Variants in USP50 observed in about 807,000 individuals in gnomAD.
The protein encoded by USP50 is ubiquitin carboxyl-terminal hydrolase 50.
Under a neutral mutation model 39.2 loss-of-function variants are expected in USP50, and 37 were observed. The ratio of observed to expected loss-of-function variants is 0.94; its 90% CI spans 0.73 to 1.24. USP50 has a LOEUF of 1.24. Among genes scored for constraint, USP50 ranks in the 50% most tolerant of loss-of-function variants. USP50 has a pLI of 0.00. For missense variants in USP50, 374 were observed against 398.2 expected, an observed-to-expected ratio of 0.94 and a Z score of 0.52; for synonymous variants, 139 against 144.5, an observed-to-expected ratio of 0.96 and a Z score of 0.27.
intron 6 of USP50, among the ~76,000 whole-genome samples, chr15:50,520,222 T>C (rs973180672): frequency 2.6e-5 from 4 of 151,778 alleles, no homozygotes; most frequent in African/African-American, 9.7e-5. Context: ...GGTGGGAGGA[T>C]CTCTTAAGCC....
chr15:50,497,893 A>G (rs2052478341), downstream of USP50, among the ~76,000 whole-genome samples: 1 of 152,200 alleles, frequency 6.6e-6, no homozygotes, highest in Non-Finnish European at 1.5e-5. Context: ...TCTGTTAAAA[A>G]TGTTTTATCT....
rs760203071 is a variant in USP50 at position 50,543,737 on chromosome 15, C to T, written c.305G>A (p.Gly102Glu). 1 of 1,610,768 alleles carries T rather than the reference C, an allele frequency of 6.2e-7. No individual in the cohort carries two copies. Among genetic ancestry groups the T allele is most frequent in the East Asian group, 2.2e-5 (1 of 44,842 alleles). The change falls in exon 3 of 7, where the codon GGA becomes GAA. Residue 102 changes from glycine to glutamate, a missense_variant. Transcript: ENST00000532404. ...TTCTGGTGAGACACAGTCTGAGTCT[C>T]CCAGCCACATGTCTGTCATCAGATA... ...FAYLMTDMWLGDSDCVSPEIF... is the reference protein window; with the variant it reads ...FAYLMTDMWLEDSDCVSPEIF...
chr15:50,516,168 C>G (rs1005104240), intron 6 of USP50, among the ~76,000 whole-genome samples: 1 of 152,054 alleles, frequency 6.6e-6, no homozygotes, highest in African/African-American at 2.4e-5. Flanking sequence ...TCAAATCATA[C>G]CACCACAGAA....
At chr15:50,500,293 AATT>A (rs1242254571), downstream of USP50, 2 of 153,664 alleles carry the variant, frequency 1.3e-5, no homozygotes, top group African/African-American at 2.4e-5. Flanking sequence ...TTTGAACAAA[AATT>A]ATTTTTGTTT....
chr15:50,516,473 C>T (rs954271458), intron 6 of USP50, among the ~76,000 whole-genome samples: 2 of 151,984 alleles, frequency 1.3e-5, no homozygotes, highest in East Asian at 1.9e-4. Context: ...AAAAAGTAGC[C>T]GGGCGTGGTG....
At chr15:50,531,123 C>T (rs1015606014) in intron 5 of USP50, among the ~76,000 whole-genome samples, 4 of 151,928 alleles carry the variant, frequency 2.6e-5, no homozygotes, top group African/African-American at 4.8e-5. Context: ...GGGAAATTAC[C>T]GCGACTGAGA....
chr15:50,499,267 T>C (rs2052528334), downstream of USP50: 4 of 479,924 alleles, frequency 8.3e-6, no homozygotes, highest in Non-Finnish European at 1.0e-5. Flanking sequence ...TTAACAAGTA[T>C]TGCAGTAATC....
intron 6 of USP50, chr15:50,512,393 T>TG (rs1274096917): frequency 6.6e-6 from 1 of 151,728 alleles, no homozygotes; most frequent in Non-Finnish European, 1.5e-5. Flanking sequence ...TGCTATGGAC[T>TG]GGGGGAGAAG....
intron 5 of USP50, among the ~76,000 whole-genome samples, chr15:50,536,241 CA>C (rs552548044): frequency 6.6e-6 from 1 of 151,846 alleles, no homozygotes; most frequent in Non-Finnish European, 1.5e-5. Flanking sequence ...AAGGAATCAA[CA>C]AAAAAACCTC....
intron 6 of USP50, among the ~76,000 whole-genome samples, chr15:50,522,550 T>C (rs2052858451): frequency 6.6e-6 from 1 of 152,098 alleles, no homozygotes; most frequent in South Asian, 2.1e-4. Flanking sequence ...ACCCTGATAC[T>C]AAAGCCAGAC....
chr15:50,535,641 C>T (rs12440876), intron 5 of USP50, among the ~76,000 whole-genome samples: 22,219 of 152,262 alleles, frequency 0.15, 2,223 homozygotes, highest in Admixed American at 0.28. Flanking sequence ...GGGCTGGGCA[C>T]AGTGGCTCAC....
intron 1 of USP50, among the ~76,000 whole-genome samples, chr15:50,545,940 G>A (rs1349550345): frequency 6.6e-6 from 1 of 150,870 alleles, no homozygotes; most frequent in Non-Finnish European, 1.5e-5. Context: ...TTTTTTAAGT[G>A]ATTGATCTAG....
chr15:50,540,209 C>A (rs2053017453), intron 4 of USP50, among the ~76,000 whole-genome samples: 1 of 152,212 alleles, frequency 6.6e-6, no homozygotes, highest in Non-Finnish European at 1.5e-5. Context: ...CTGCCACCCA[C>A]CCCATGCCCA....
intron 6 of USP50, among the ~76,000 whole-genome samples, chr15:50,516,714 G>A (rs1449399509): frequency 6.7e-6 from 1 of 150,200 alleles, no homozygotes; most frequent in African/African-American, 2.5e-5. Context: ...AGATATTCCA[G>A]GTAAATGGAC....
intron 6 of USP50, among the ~76,000 whole-genome samples, chr15:50,527,331 A>G (rs1020135661): frequency 4.6e-5 from 7 of 152,054 alleles, no homozygotes; most frequent in Non-Finnish European, 1.0e-4. Context: ...CAGCCTCCTG[A>G]GTAGCTGGGA....
chr15:50,541,311 A>G (rs1411766193), intron 3 of USP50, 47 bp from the exon 4 acceptor site: 1 of 1,537,702 alleles, frequency 6.5e-7, no homozygotes, highest in South Asian at 1.1e-5. Context: ...TGGTTATTTA[A>G]AAAAGACTGT....
At chr15:50,532,800 C>T (rs911668224) in intron 5 of USP50, among the ~76,000 whole-genome samples, 1 of 152,114 alleles carries the variant, frequency 6.6e-6, no homozygotes. Context: ...TAAGAATGAA[C>T]GAATGAACCA....
chr15:50,498,511 C>G (rs2052499503), downstream of USP50: 2 of 1,444,432 alleles, frequency 1.4e-6, no homozygotes, highest in Non-Finnish European at 1.8e-6. Context: ...TTTTACAGTC[C>G]TGGCTAAAAA....
At chr15:50,509,209 T>C (rs1425247680) in intron 6 of USP50, 2 of 149,630 alleles carry the variant, frequency 1.3e-5, no homozygotes, top group South Asian at 4.2e-4. Flanking sequence ...TCCATCTACT[T>C]GGGAGGCTGA....
Sources: allele counts gnomAD v4.1 joint callset (sites outside exome capture counted in the v4.1 genomes callset), GRCh38; gene constraint gnomAD v4.1.1; transcripts MANE v1.5; gene names NCBI Gene and HGNC (gene_info 2026-07-23, HGNC 2026-07-21).